Variants in ASIC2 observed in about 807,000 individuals in gnomAD.
ASIC2 encodes the protein acid sensing ion channel subunit 2, also known as acid-sensing ion channel 2.
A neutral mutation model predicts 57.3 loss-of-function variants in ASIC2; 25 were observed. The observed-to-expected ratio is 0.44, with a 90% CI of 0.32 to 0.61. The LOEUF (loss-of-function observed/expected upper bound fraction) is 0.61. Ranked by LOEUF, ASIC2 falls within the 20% of genes least tolerant of loss-of-function variation. The pLI, the probability that ASIC2 is intolerant of heterozygous loss-of-function variation, is 0.06. For missense variants in ASIC2, 641 were observed against 738.1 expected (o/e 0.87, Z 1.52); for synonymous variants, 319 against 307.5 (o/e 1.04, Z -0.39).
chr17:34,146,433 G>T (rs1912419235), intron 1 of ASIC2, among the ~76,000 whole-genome samples: 1 of 152,164 alleles, frequency 6.6e-6, no homozygotes, highest in South Asian at 2.1e-4. Context: ...ATTTATTGAG[G>T]GAGTGTTCTC....
intron 1 of ASIC2, among the ~76,000 whole-genome samples, chr17:33,437,050 A>G (rs1911647831): frequency 1.3e-5 from 2 of 150,222 alleles, no homozygotes; most frequent in African/African-American, 2.5e-5. Context: ...TATTTTTAGT[A>G]GAGACGGGGT....
chr17:33,756,052 G>A (rs770611128), intron 1 of ASIC2, among the ~76,000 whole-genome samples: 9 of 152,204 alleles, frequency 5.9e-5, no homozygotes, highest in African/African-American at 9.6e-5. Context: ...TCTGCTTCCC[G>A]TTTTCCCTGT....
At position 33,407,973 on chromosome 17, in the gene ASIC2, T is replaced by C. The variant is rs193171886; in HGVS notation, c.556-295906A>G. ...GATGATGTCACTTCCAAATCCTTCC[T>C]GTTCATGGTGGGGAGGCATTTGGGG... On this transcript the variant is annotated intron_variant, in intron 1 of 9. Transcript: ENST00000359872. Among the ~76,000 whole-genome samples, 4 of 152,284 alleles carry C rather than the reference T, an allele frequency of 2.6e-5. No individual in the cohort carries two copies. The East Asian group carries it at 7.7e-4, about 29-fold the overall frequency.
chr17:33,378,728 G>A (rs1181301571), intron 1 of ASIC2, among the ~76,000 whole-genome samples: 1 of 152,252 alleles, frequency 6.6e-6, no homozygotes, highest in Admixed American at 6.5e-5. Context: ...AGATGGTGGG[G>A]ATTCTTCATA....
At chr17:33,606,559 A>G (rs181554207) in intron 1 of ASIC2, among the ~76,000 whole-genome samples, 100 of 152,282 alleles carry the variant, frequency 6.6e-4, no homozygotes, top group Non-Finnish European at 2.1e-4. Context: ...AACTGCTTCT[A>G]TTTTTATGTT....
intron 1 of ASIC2, among the ~76,000 whole-genome samples, chr17:33,358,252 A>G (rs867606683): frequency 1.3e-5 from 2 of 152,252 alleles, no homozygotes; most frequent in South Asian, 4.1e-4. Context: ...TTTTCACTCC[A>G]ACGGCAGAAG....
At chr17:33,092,252 C>T (rs185323267) in intron 2 of ASIC2, among the ~76,000 whole-genome samples, 205 of 152,328 alleles carry the variant, frequency 1.3e-3, no homozygotes, top group South Asian at 4.6e-3. Flanking sequence ...CTATTTCTTA[C>T]CAGAATTGCC....
intron 1 of ASIC2, among the ~76,000 whole-genome samples, chr17:33,967,454 T>C (rs1178085114): frequency 6.6e-6 from 1 of 152,108 alleles, no homozygotes; most frequent in Non-Finnish European, 1.5e-5. Flanking sequence ...AGACTAATCT[T>C]GAACTCCGAA....
intron 1 of ASIC2, among the ~76,000 whole-genome samples, chr17:33,748,917 G>A (rs1020867609): frequency 3.9e-5 from 6 of 152,338 alleles, no homozygotes; most frequent in South Asian, 2.1e-4. Context: ...AACAGTCCAC[G>A]GAAACATCTC....
At chr17:33,698,169 A>T (rs1425169389) in intron 1 of ASIC2, among the ~76,000 whole-genome samples, 2 of 152,128 alleles carry the variant, frequency 1.3e-5, no homozygotes, top group African/African-American at 4.8e-5. Context: ...TGCTATTTAG[A>T]TATAGTTATT....
In ASIC2 at chr17:33,446,845, G is replaced by A. The variant is rs149924615; in HGVS notation, c.556-334778C>T. Among the ~76,000 whole-genome samples, 1,270 of 152,274 alleles carry A rather than the reference G, an allele frequency of 8.3e-3. 8 individuals are homozygous for A. The highest frequency in any genetic ancestry group is 0.032 in the South Asian group (157 of 4,832). ...CAATTCTTGGCGCTGCCTCTTAGTC[G>A]TGGCATGGTCTTGAAGAATTCGCTT... is the stretch of plus-strand genomic sequence containing the variant. On this transcript the variant is annotated intron_variant, in intron 1 of 9. Coordinates refer to the ASIC2 transcript ENST00000359872.
In ASIC2 at chr17:33,436,473, C is replaced by G. The variant is rs369604818; in HGVS notation, c.556-324406G>C. On this transcript the variant is annotated intron_variant, in intron 1 of 9. Transcript: ENST00000359872. ...CATTCTGGCAACTGACTGAACCCAC[C>G]CAGACTTGTGACTCATGGCTCAACT... Among the ~76,000 whole-genome samples, 102 of 152,274 alleles carry G rather than the reference C, an allele frequency of 6.7e-4. 2 individuals carry two copies. The South Asian group carries it at 0.02, about 29-fold the overall frequency.
chr17:33,790,848 C>A (rs115860240), intron 1 of ASIC2, among the ~76,000 whole-genome samples: 18 of 152,242 alleles, frequency 1.2e-4, no homozygotes, highest in African/African-American at 4.3e-4. Flanking sequence ...TTATCATGTA[C>A]CAGACATGAT....
intron 1 of ASIC2, among the ~76,000 whole-genome samples, chr17:34,025,460 C>T (rs974557318): frequency 2.6e-5 from 4 of 152,142 alleles, no homozygotes; most frequent in Admixed American, 1.3e-4. Context: ...CAAAAGCACC[C>T]GACCTTGCAT....
chr17:33,200,494 C>T (rs981334955), intron 1 of ASIC2, among the ~76,000 whole-genome samples: 11 of 152,156 alleles, frequency 7.2e-5, no homozygotes, highest in Admixed American at 1.3e-4. Flanking sequence ...CTTCCCAAAC[C>T]GGCTCCTTCT....
At chr17:34,076,791 T>C (rs1296467644) in intron 1 of ASIC2, among the ~76,000 whole-genome samples, 1 of 152,198 alleles carries the variant, frequency 6.6e-6, no homozygotes, top group African/African-American at 2.4e-5. Flanking sequence ...ACTTGCTTGC[T>C]TCACACCTTC....
chr17:34,116,624 A>C (rs1911430621), intron 1 of ASIC2, among the ~76,000 whole-genome samples: 1 of 152,044 alleles, frequency 6.6e-6, no homozygotes, highest in Non-Finnish European at 1.5e-5. Context: ...GCCTCTGAAA[A>C]AGCTTCTGCC....
chr17:33,832,515 TAG>T (rs1165998960), intron 1 of ASIC2, among the ~76,000 whole-genome samples: 3 of 152,162 alleles, frequency 2.0e-5, no homozygotes, highest in African/African-American at 7.2e-5. Flanking sequence ...GGCAGTGAGA[TAG>T]AGACTACAAA....
At chr17:33,870,035 C>A (rs1019500633) in intron 1 of ASIC2, among the ~76,000 whole-genome samples, 8 of 151,986 alleles carry the variant, frequency 5.3e-5, no homozygotes, top group Non-Finnish European at 1.5e-5. Context: ...GGGAGCATAG[C>A]AGAAAAAATG....
Sources: allele counts gnomAD v4.1 joint callset (sites outside exome capture counted in the v4.1 genomes callset), GRCh38; gene constraint gnomAD v4.1.1; transcripts MANE v1.5; gene names NCBI Gene and HGNC (gene_info 2026-07-23, HGNC 2026-07-21).